Variants in TNRC6B observed in about 807,000 individuals in gnomAD.
TNRC6B encodes the protein trinucleotide repeat-containing gene 6B protein.
TNRC6B carries 52 observed loss-of-function variants against 203.6 expected under a neutral mutation model. That is an observed-to-expected ratio of 0.26 (90% CI 0.20 to 0.32). TNRC6B has a LOEUF of 0.32. TNRC6B is among the 10% of genes least tolerant of loss of function. The pLI is 1.00. For synonymous variants in TNRC6B, 838 were observed against 845.7 expected, an observed-to-expected ratio of 0.99 and a Z score of 0.16; for missense variants, 1,923 against 2,286.2, an observed-to-expected ratio of 0.84 and a Z score of 3.24.
At chr22:40,131,659 T>C (rs1347695533) in intron 3 of TNRC6B, among the ~76,000 whole-genome samples, 1 of 152,216 alleles carries the variant, frequency 6.6e-6, no homozygotes, top group Non-Finnish European at 1.5e-5. Flanking sequence ...TTTTAATTAT[T>C]GGAGCTCCAA....
intron 1 of TNRC6B, among the ~76,000 whole-genome samples, chr22:40,245,162 C>T (rs1400046055): frequency 6.6e-6 from 1 of 152,030 alleles, no homozygotes; most frequent in African/African-American, 2.4e-5. Context: ...ACTATCTTGG[C>T]TCACTCCAAC....
chr22:40,168,715 T>C (rs567114802), intron 4 of TNRC6B, among the ~76,000 whole-genome samples: 5 of 152,168 alleles, frequency 3.3e-5, no homozygotes, highest in Admixed American at 6.6e-5. Flanking sequence ...CCATTGACAT[T>C]TTTTCTTGTC....
chr22:40,218,117 A>G (rs1363357006), intron 1 of TNRC6B, among the ~76,000 whole-genome samples: 1 of 152,068 alleles, frequency 6.6e-6, no homozygotes, highest in Non-Finnish European at 1.5e-5. Flanking sequence ...TTTACAGACT[A>G]TGGCTACTAA....
At chr22:40,183,737 C>T (rs1402864390) in intron 1 of TNRC6B, among the ~76,000 whole-genome samples, 1 of 151,842 alleles carries the variant, frequency 6.6e-6, no homozygotes, top group African/African-American at 2.4e-5. Context: ...CTCTGTCGCC[C>T]GGGCTGGAGT....
intron 1 of TNRC6B, among the ~76,000 whole-genome samples, chr22:40,062,222 A>T (rs1015838382): frequency 6.6e-6 from 1 of 152,024 alleles, no homozygotes; most frequent in African/African-American, 2.4e-5. Context: ...ATTTTTTGAG[A>T]TAGAGTCTCA....
chr22:40,320,505 G>C (rs2071320952), intron 21 of TNRC6B, among the ~76,000 whole-genome samples: 2 of 152,146 alleles, frequency 1.3e-5, no homozygotes, highest in Admixed American at 1.3e-4. Context: ...AAAAGATCTT[G>C]ATGCAAAATA....
At chr22:40,098,548 A>ATGACTTAG (rs2068205698) in intron 1 of TNRC6B, among the ~76,000 whole-genome samples, 1 of 152,210 alleles carries the variant, frequency 6.6e-6, no homozygotes, top group African/African-American at 2.4e-5. Flanking sequence ...CAGACTTTTT[A>ATGACTTAG]ATCAAAATTG....
At chr22:40,312,710 T>G in intron 18 of TNRC6B, 59 bp downstream of exon 18, 1 of 1,564,430 alleles carries the variant, frequency 6.4e-7, no homozygotes, top group Non-Finnish European at 8.7e-7. Context: ...AGTTGTCAGT[T>G]TGTGACTTCA....
At position 40,331,235 on chromosome 22, in the gene TNRC6B, G is replaced by T. The variant is rs778782804; in HGVS notation, c.*7994G>T. The stretch of plus-strand genomic sequence containing the variant: ...ATCACGTTGCTGTTGATGCAAACAG[G>T]GTATTACACACAAGGAAAAGGGGTT... On this transcript the variant is annotated 3_prime_UTR_variant, in exon 23 of 23. Transcript: ENST00000454349. 9 of 152,174 alleles carry T rather than the reference G, an allele frequency of 5.9e-5. No homozygotes were observed. Among genetic ancestry groups the T allele is most frequent in the African/African-American group, 2.0e-4 (8 of 40,580 alleles). 9.4% of individuals were successfully genotyped at this position (152,174 alleles called of 1,614,324 possible).
chr22:40,046,078 C>G (rs1322869767), intron 1 of TNRC6B, among the ~76,000 whole-genome samples: 3 of 152,122 alleles, frequency 2.0e-5, no homozygotes, highest in Non-Finnish European at 4.4e-5. Context: ...CATTAGTGCC[C>G]CCACCAACAG....
rs1242937653 is a variant in TNRC6B at position 40,334,342 on chromosome 22, A to G, written c.*11101A>G. On this transcript the variant is annotated 3_prime_UTR_variant, in exon 23 of 23. Transcript: ENST00000454349. ...CTGCACCCTTGGCCTTAATCTCAGT[A>G]TGACTTAAGGTGCAGGAACATTTTT... 2.6e-5 allele frequency: 4 copies of G among 152,756 alleles called. No individual in the cohort carries two copies. Among genetic ancestry groups the G allele is most frequent in the Non-Finnish European group, 5.9e-5 (4 of 68,040 alleles). 9.5% of individuals were successfully genotyped at this position (152,756 alleles called of 1,614,324 possible). A position where few individuals can be genotyped will look rare whatever the true frequency, so the allele number is the denominator to read the frequency against.
chr22:40,236,998 C>A (rs1601909367), intron 1 of TNRC6B, among the ~76,000 whole-genome samples: 1 of 152,116 alleles, frequency 6.6e-6, no homozygotes, highest in African/African-American at 2.4e-5. Flanking sequence ...AACCCCATCT[C>A]TACTAAAAAT....
chr22:40,179,230 GCT>G (rs2069103107), intron 1 of TNRC6B, among the ~76,000 whole-genome samples: 1 of 152,138 alleles, frequency 6.6e-6, no homozygotes, highest in Non-Finnish European at 1.5e-5. Context: ...CTGAAAACTT[GCT>G]TTCTCAGAGC....
chr22:40,139,614 G>A (rs1335263493), intron 3 of TNRC6B, among the ~76,000 whole-genome samples: 1 of 152,162 alleles, frequency 6.6e-6, no homozygotes, highest in Non-Finnish European at 1.5e-5. Context: ...TTACAGGCGC[G>A]AGCCACTGTG....
At chr22:40,142,724 A>G (rs1174638691) in intron 3 of TNRC6B, among the ~76,000 whole-genome samples, 2 of 152,198 alleles carry the variant, frequency 1.3e-5, no homozygotes, top group East Asian at 1.9e-4. Context: ...CACATTGTCC[A>G]TACACTGCTA....
intron 3 of TNRC6B, among the ~76,000 whole-genome samples, chr22:40,137,070 AGT>A (rs10538357): frequency 0.22 from 34,221 of 152,104 alleles, 4,183 homozygotes; most frequent in Admixed American, 0.34. Context: ...AGTCAAGAAA[AGT>A]GTTACACAGA....
At chr22:40,233,287 A>G (rs2069902407) in intron 1 of TNRC6B, among the ~76,000 whole-genome samples, 2 of 151,862 alleles carry the variant, frequency 1.3e-5, no homozygotes, top group African/African-American at 4.8e-5. Flanking sequence ...GCGCCACTGC[A>G]CTCCAGCCTG....
chr22:40,291,580 C>T (rs1249412687), intron 12 of TNRC6B, among the ~76,000 whole-genome samples: 1 of 152,124 alleles, frequency 6.6e-6, no homozygotes, highest in East Asian at 1.9e-4. Context: ...AACATTGTGT[C>T]CTTGAATTTT....
intron 3 of TNRC6B, among the ~76,000 whole-genome samples, chr22:40,126,444 T>C (rs1262568705): frequency 2.0e-5 from 3 of 152,052 alleles, no homozygotes. Context: ...TTTCCATCTT[T>C]ATGTCCACAT....
Sources: allele counts gnomAD v4.1 joint callset (sites outside exome capture counted in the v4.1 genomes callset), GRCh38; gene constraint gnomAD v4.1.1; transcripts MANE v1.5; gene names NCBI Gene and HGNC (gene_info 2026-07-23, HGNC 2026-07-21).